NEK7: variants seen among roughly 807,000 people sequenced by gnomAD.
NEK7 encodes NIMA related kinase 7.
A neutral mutation model predicts 44.6 loss-of-function variants in NEK7; 18 were observed. That is an observed-to-expected ratio of 0.40 (90% CI 0.28 to 0.60). The LOEUF (loss-of-function observed/expected upper bound fraction) is 0.60, where lower values mean the gene tolerates loss of function less well. NEK7 is among the 20% of genes least tolerant of loss of function. The pLI, the probability that NEK7 is intolerant of heterozygous loss-of-function variation, is 0.38. For missense variants in NEK7, 256 were observed against 366.5 expected (o/e 0.70, Z 2.46); for synonymous variants, 130 against 121.1 (o/e 1.07, Z -0.48).
intron 1 of NEK7, among the ~76,000 whole-genome samples, chr1:198,204,327 G>T (rs1665525995): frequency 6.6e-6 from 1 of 152,132 alleles, no homozygotes; most frequent in African/African-American, 2.4e-5. Context: ...TTGCTGTGCT[G>T]TAATGTTGTT....
intron 1 of NEK7, among the ~76,000 whole-genome samples, chr1:198,202,839 T>C (rs976946389): frequency 6.6e-6 from 1 of 152,156 alleles, no homozygotes; most frequent in Admixed American, 6.5e-5. Flanking sequence ...ATGGGAGCTA[T>C]AATTCAGGAT....
At chr1:198,288,309 C>T (rs1380111625) in intron 7 of NEK7, among the ~76,000 whole-genome samples, 1 of 152,214 alleles carries the variant, frequency 6.6e-6, no homozygotes, top group Non-Finnish European at 1.5e-5. Context: ...GTACCTTTAA[C>T]CTCCCAGCCG....
rs1280991383 is a variant in NEK7 at position 198,321,666 on chromosome 1, C to T, written c.*2144C>T. 11 of 151,898 alleles carry T rather than the reference C, an allele frequency of 7.2e-5. No individual in the cohort carries two copies. The highest frequency in any genetic ancestry group is 5.8e-4 in the East Asian group (3 of 5,194). The allele number at this position is 151,898 out of a possible 1,614,324, so 9.4% of individuals were successfully genotyped here. On this transcript the variant is annotated 3_prime_UTR_variant, in exon 10 of 10. Coordinates refer to ENST00000367385, the MANE Select transcript of NEK7 (RefSeq NM_133494.3). The stretch of plus-strand genomic sequence containing the variant: ...TTCTATATGTGGAAACTTTTTGCTT[C>T]GAATATTGTATCTTTTTAAATCTAA...
At chr1:198,197,424 T>A (rs1185973242) in intron 1 of NEK7, among the ~76,000 whole-genome samples, 1 of 151,274 alleles carries the variant, frequency 6.6e-6, no homozygotes, top group Non-Finnish European at 1.5e-5. Flanking sequence ...ATTGCTTTTT[T>A]AAGAAATTTT....
At chr1:198,233,240 C>G (rs1666451786) in intron 2 of NEK7, among the ~76,000 whole-genome samples, 1 of 152,008 alleles carries the variant, frequency 6.6e-6, no homozygotes, top group Non-Finnish European at 1.5e-5. Context: ...TAGTGTATTT[C>G]TCCTGTGATA....
At chr1:198,312,498 T>C (rs1160179011) in intron 9 of NEK7, among the ~76,000 whole-genome samples, 3 of 152,130 alleles carry the variant, frequency 2.0e-5, no homozygotes, top group Non-Finnish European at 4.4e-5. Context: ...ATGTGTTTGC[T>C]CTTGCTTTTC....
chr1:198,274,380 G>A (rs1292047905), intron 5 of NEK7, among the ~76,000 whole-genome samples: 1 of 151,412 alleles, frequency 6.6e-6, no homozygotes, highest in South Asian at 2.1e-4. Flanking sequence ...TTTTAAGATG[G>A]CAGTAACAGA....
Position 198,321,870 on chromosome 1 carries a change from G to T in NEK7, c.*2348G>T, listed in dbSNP as rs1655543925. On this transcript the variant is annotated 3_prime_UTR_variant, in exon 10 of 10. Transcript: ENST00000367385. ...ATTGATTAAGTTAAACTTTTGAATT[G>T]ATTTGAGGAGCAGTAAAATGAAAGC... is the stretch of plus-strand genomic sequence containing the variant. The T allele has an allele frequency of 6.6e-6, 1 of 152,036 alleles. No homozygotes were observed. Among genetic ancestry groups the T allele is most frequent in the African/African-American group, 2.4e-5 (1 of 41,438 alleles). The allele number at this position is 152,036 out of a possible 1,614,324, so 9.4% of individuals were successfully genotyped here. A position where few individuals can be genotyped will look rare whatever the true frequency, so the allele number is the denominator to read the frequency against.
chr1:198,297,047 A>G (rs1654735767), intron 8 of NEK7, 80 bp from the exon 9 acceptor site: 2 of 847,230 alleles, frequency 2.4e-6, no homozygotes, highest in Non-Finnish European at 3.8e-6. Context: ...ATTATTTTCT[A>G]CCCCCGTATA....
rs902278205 is a variant in NEK7 at position 198,295,958 on chromosome 1, G to A, written c.685-1169G>A. ...CTTCCTAAGGTACTTCTATATAGTT[G>A]TGTGCACGTTTTATGTAAAACATAG... is the stretch of plus-strand genomic sequence containing the variant. On this transcript the variant is annotated intron_variant, in intron 8 of 9. Transcript: ENST00000367385. 2.6e-5 allele frequency among the ~76,000 whole-genome samples: 4 copies of A among 152,004 alleles called. No individual in the cohort carries two copies. The East Asian group carries it at 5.8e-4, about 22-fold the overall frequency.
chr1:198,269,191 A>T (rs897882575), intron 5 of NEK7, among the ~76,000 whole-genome samples: 1 of 152,116 alleles, frequency 6.6e-6, no homozygotes, highest in Non-Finnish European at 1.5e-5. Context: ...CACCAACTTC[A>T]ATAAATATGT....
At chr1:198,278,131 A>T (rs1310958878) in intron 6 of NEK7, 62 bp downstream of exon 6, 2 of 886,752 alleles carry the variant, frequency 2.3e-6, no homozygotes, top group Non-Finnish European at 3.7e-6. Context: ...CTTCAAAGTA[A>T]ATGTCTTCAA....
chr1:198,230,955 A>G (rs1479318477), intron 1 of NEK7, among the ~76,000 whole-genome samples: 2 of 151,978 alleles, frequency 1.3e-5, no homozygotes, highest in Non-Finnish European at 2.9e-5. Context: ...AAGACCCCAT[A>G]TTATTAAGAT....
intron 1 of NEK7, among the ~76,000 whole-genome samples, chr1:198,207,736 A>G (rs150321862): frequency 3.0e-4 from 46 of 152,276 alleles, no homozygotes; most frequent in Non-Finnish European, 5.4e-4. Context: ...GAACTGTTCT[A>G]TATTTTGATT....
In NEK7 at chr1:198,320,032, A is replaced by G. The variant is rs1327299742; in HGVS notation, c.*510A>G. 1.3e-5 allele frequency: 2 copies of G among 152,186 alleles called. No individual in the cohort carries two copies. The highest frequency in any genetic ancestry group is 2.9e-5 in the Non-Finnish European group (2 of 68,024). 9.4% of individuals were successfully genotyped at this position (152,186 alleles called of 1,614,324 possible). The stretch of plus-strand genomic sequence containing the variant: ...CTTAGCAGAGTAGTTTTCAAATATG[A>G]TTCTTATGATAAATGTAGACACAAA... On this transcript the variant is annotated 3_prime_UTR_variant, in exon 10 of 10. Coordinates refer to ENST00000367385, the MANE Select transcript of NEK7 (RefSeq NM_133494.3).
chr1:198,268,274 A>G (rs952070878), intron 5 of NEK7, among the ~76,000 whole-genome samples: 1 of 151,728 alleles, frequency 6.6e-6, no homozygotes, highest in African/African-American at 2.4e-5. Context: ...TTCTGACTCT[A>G]TATGGCTCAA....
chr1:198,189,703 TTA>T (rs1361357922), intron 1 of NEK7, among the ~76,000 whole-genome samples: 3 of 152,162 alleles, frequency 2.0e-5, no homozygotes, highest in Non-Finnish European at 4.4e-5. Context: ...GACAAACAGC[TTA>T]AAGTTATTTT....
At chr1:198,288,078 G>A (rs576376488) in intron 7 of NEK7, among the ~76,000 whole-genome samples, 16 of 152,314 alleles carry the variant, frequency 1.1e-4, no homozygotes, top group African/African-American at 3.6e-4. Flanking sequence ...TTTGGTGCCA[G>A]GTGCCACCTG....
chr1:198,312,274 C>T (rs1321774035), intron 9 of NEK7, among the ~76,000 whole-genome samples: 6 of 150,858 alleles, frequency 4.0e-5, no homozygotes, highest in Admixed American at 6.6e-5. Context: ...TCTGTGGGAT[C>T]GGTGGTGATA....
Sources: gnomAD v4.1 joint callset for allele counts (sites outside exome capture counted in the v4.1 genomes callset) on GRCh38, gnomAD v4.1.1 for gene constraint, MANE v1.5 for transcripts, NCBI Gene and HGNC (gene_info 2026-07-23, HGNC 2026-07-21) for gene names.